SRSF6: variants seen among roughly 807,000 people sequenced by gnomAD.
SRSF6 encodes serine and arginine rich splicing factor 6.
In SRSF6, 17 loss-of-function variants were observed where a neutral mutation model predicts 42.0. That is an observed-to-expected ratio of 0.40 (90% CI 0.28 to 0.61). The LOEUF (loss-of-function observed/expected upper bound fraction) is 0.61, where lower values mean the gene tolerates loss of function less well. SRSF6 is among the 20% of genes least tolerant of loss of function. SRSF6 has a pLI of 0.37. For missense variants in SRSF6, 379 were observed against 471.4 expected (o/e 0.80, Z 1.81); for synonymous variants, 204 against 166.7 (o/e 1.22, Z -1.72).
rs374128199 is a variant in SRSF6 at position 43,458,008 on chromosome 20, C to T, written c.-26C>T. The stretch of plus-strand genomic sequence containing the variant: ...TTGCGGTCCGCCGTTCGACAACCAG[C>T]CCTTGGGTCCCCGCCCGCCACGGAC... On this transcript the variant is annotated 5_prime_UTR_variant, in exon 1 of 6. Transcript: ENST00000244020. 2 of 1,595,252 alleles carry T rather than the reference C, an allele frequency of 1.3e-6. No homozygotes were observed. Among genetic ancestry groups the T allele is most frequent in the Non-Finnish European group, 1.7e-6 (2 of 1,168,916 alleles).
intron 2 of SRSF6, 136 bp from the exon 3 acceptor site, chr20:43,459,635 T>C: frequency 7.0e-7 from 1 of 1,418,774 alleles, no homozygotes; most frequent in Middle Eastern, 2.6e-4. Context: ...AAATCACAAA[T>C]GTGTCGAAGG....
In SRSF6 at chr20:43,458,351, C is replaced by T. The variant is rs775282260; in HGVS notation, c.108-10C>T. The T allele has an allele frequency of 1.9e-5, 30 of 1,539,962 alleles. No homozygotes were observed. The highest frequency in any genetic ancestry group is 1.8e-4 in the South Asian group (15 of 83,918). ...CCCCCGCGGTTGTCCGGCCCTCGCA[C>T]CGCCCCTAGGTACGGCTTCGTGGAG... On this transcript the variant is annotated splice_polypyrimidine_tract_variant and intron_variant, in intron 1 of 5. Coordinates refer to ENST00000244020, the MANE Select transcript of SRSF6 (RefSeq NM_006275.6).
In SRSF6 at chr20:43,457,933, G is replaced by A; in HGVS notation, c.-101G>A. The A allele has an allele frequency of 1.0e-6, 1 of 974,572 alleles. No individual in the cohort carries two copies. 60.4% of individuals were successfully genotyped at this position (974,572 alleles called of 1,614,324 possible). On this transcript the variant is annotated 5_prime_UTR_variant, in exon 1 of 6. Transcript: ENST00000244020. ...GACTCGGCCGCCCCTGTGGTGTGAGGCGCGTGTTCGGGCTCTTGCCGTCCC... is the reference window on the plus strand; with the variant it reads ...GACTCGGCCGCCCCTGTGGTGTGAGACGCGTGTTCGGGCTCTTGCCGTCCC...
chr20:43,458,158 G>T lies in SRSF6; in HGVS notation c.107+18G>T, dbSNP rs1307417995. ...AAAAATGGGTGAGTCGGGCCTGGGC[G>T]CCCGCGCCCAGCGTCCCAGGCCTGG... On this transcript the variant is annotated intron_variant, in intron 1 of 5. Coordinates refer to ENST00000244020, the MANE Select transcript of SRSF6 (RefSeq NM_006275.6). The T allele has an allele frequency of 1.2e-6, 2 of 1,607,618 alleles. No individual in the cohort carries two copies. Among genetic ancestry groups the T allele is most frequent in the African/African-American group, 1.3e-5 (1 of 74,386 alleles).
At position 43,461,337 on chromosome 20, in the gene SRSF6, G is replaced by GTTTTGTTTTTTTTTTTTT. The variant is rs2017589627; in HGVS notation, c.*278_*279insGTTTTTTTTTTTTTTTTT. 2.3e-5 allele frequency: 1 copy of GTTTTGTTTTTTTTTTTTT among 43,768 alleles called. No homozygotes were observed. The highest frequency in any genetic ancestry group is 8.2e-5 in the African/African-American group (1 of 12,192). The allele number at this position is 43,768 out of a possible 1,614,324, so 2.7% of individuals were successfully genotyped here. A position where few individuals can be genotyped will look rare whatever the true frequency, so the allele number is the denominator to read the frequency against. On this transcript the variant is annotated 3_prime_UTR_variant, in exon 6 of 6. Coordinates refer to ENST00000244020, the MANE Select transcript of SRSF6 (RefSeq NM_006275.6). ...GTAAAGATTAAGCTCATTTAGTGTT[G>GTTTTGTTTTTTTTTTTTT]TTTTTTTTTTTTTTTTTTTTTTTTT...
chr20:43,459,802 A>T lies in SRSF6; in HGVS notation c.288A>T (p.Thr96=), dbSNP rs765771016. The T allele has an allele frequency of 1.2e-6, 2 of 1,613,752 alleles. No homozygotes were observed. Among genetic ancestry groups the T allele is most frequent in the Non-Finnish European group, 8.5e-7 (1 of 1,180,030 alleles). ...GAGGTGGATACAGCAGTCGGAGAACATCTGGCAGAGACAAATACGGACCAC... is the reference window on the plus strand; with the variant it reads ...GAGGTGGATACAGCAGTCGGAGAACTTCTGGCAGAGACAAATACGGACCAC... The part of the protein sequence containing the change: ...SGGGGYSSRR[T]SGRDKYGPPV... Residue 96 remains threonine, a synonymous_variant, in exon 3 of 6, where the codon ACA becomes ACT. Transcript: ENST00000244020.
At position 43,458,508 on chromosome 20, in the gene SRSF6, C is replaced by T. The variant is rs2017536132; in HGVS notation, c.255C>T (p.Arg85=). 3 of 1,500,154 alleles carry T rather than the reference C, an allele frequency of 2.0e-6. No homozygotes were observed. The highest frequency in any genetic ancestry group is 1.5e-5 in the African/African-American group (1 of 68,634). The allele number at this position is 1,500,154 out of a possible 1,614,324, so 92.9% of individuals were successfully genotyped here. ...RDRDGYSYGS[R]SGGGGYSSRR... Reference sequence around the variant, plus strand: ...GCGACGGCTACAGCTACGGAAGCCGCAGTGAGTCCCACCCCCGCGCGCTCC... The same window carrying T: ...GCGACGGCTACAGCTACGGAAGCCGTAGTGAGTCCCACCCCCGCGCGCTCC... Residue 85 remains arginine, a splice_region_variant and synonymous_variant, in exon 2 of 6, where the codon CGC becomes CGT. Transcript: ENST00000244020.
At chr20:43,459,468 A>G (rs2017549648) in intron 2 of SRSF6, 1 of 1,258,898 alleles carries the variant, frequency 7.9e-7, no homozygotes, top group African/African-American at 1.5e-5. Context: ...AAATGTAGAA[A>G]TGCATGTAAT....
chr20:43,463,340 C>T lies in SRSF6; in HGVS notation c.*2277C>T, dbSNP rs948987377. 1 of 154,832 alleles carries T rather than the reference C, an allele frequency of 6.5e-6. No individual in the cohort carries two copies. Among genetic ancestry groups the T allele is most frequent in the Admixed American group, 6.5e-5 (1 of 15,290 alleles). 9.6% of individuals were successfully genotyped at this position (154,832 alleles called of 1,614,324 possible). On this transcript the variant is annotated 3_prime_UTR_variant, in exon 6 of 6. Transcript: ENST00000244020. ...ACTGATAAAATGTTTAATTCCCTTG[C>T]TAGCTTGTGAGAAGAATGAGTTGAT...
chr20:43,460,941 C>A lies in SRSF6; in HGVS notation c.913C>A (p.Leu305Ile). The change falls in exon 6 of 6, where the codon CTA (leucine) becomes ATA (isoleucine). Residue 305 changes from leucine (L) to isoleucine (I), a missense_variant. Leu to Ile is a conservative substitution (Grantham distance 5). Around this residue, in one of 3 missense-constraint regions of SRSF6, gnomAD observed 219 missense variants for 216.1 expected, o/e 1.01. Transcript: ENST00000244020. ...SRSQSRSNSP[L>I]PVPPSKARSV... ...GAGCCAGTCCCGTTCCAATTCGCCG[C>A]TACCTGTTCCACCCTCAAAGGCCCG... 2 of 1,614,208 alleles carry A rather than the reference C, an allele frequency of 1.2e-6. No homozygotes were observed. Among genetic ancestry groups the A allele is most frequent in the Non-Finnish European group, 1.7e-6 (2 of 1,180,042 alleles).
In SRSF6 at chr20:43,461,830, T is replaced by C. The variant is rs1211304420; in HGVS notation, c.*767T>C. 6.6e-6 allele frequency: 1 copy of C among 152,582 alleles called. No individual in the cohort carries two copies. The highest frequency in any genetic ancestry group is 1.5e-5 in the Non-Finnish European group (1 of 68,050). 9.5% of individuals were successfully genotyped at this position (152,582 alleles called of 1,614,324 possible). ...ATACTTTTAAGTAATGGAACTTTTT[T>C]CAAAGGCAAATTTAAACTATTTAAG... On this transcript the variant is annotated 3_prime_UTR_variant, in exon 6 of 6. Coordinates refer to ENST00000244020, the MANE Select transcript of SRSF6 (RefSeq NM_006275.6).
chr20:43,461,203 T>C lies in SRSF6; in HGVS notation c.*140T>C. ...ACAGAAATTTGATTTGTGGCCAAAT[T>C]GGATGAAAAAGATGAGGCTCTAAGG... is the stretch of plus-strand genomic sequence containing the variant. On this transcript the variant is annotated 3_prime_UTR_variant, in exon 6 of 6. Coordinates refer to ENST00000244020, the MANE Select transcript of SRSF6 (RefSeq NM_006275.6). 5 of 1,272,568 alleles carry C rather than the reference T, an allele frequency of 3.9e-6. No individual in the cohort carries two copies. Among genetic ancestry groups the C allele is most frequent in the Non-Finnish European group, 5.1e-6 (5 of 976,126 alleles). 78.8% of individuals were successfully genotyped at this position (1,272,568 alleles called of 1,614,324 possible). A position where few individuals can be genotyped will look rare whatever the true frequency, so the allele number is the denominator to read the frequency against.
chr20:43,459,063 G>A lies in SRSF6; in HGVS notation c.256+554G>A, dbSNP rs935421569. On this transcript the variant is annotated intron_variant, in intron 2 of 5. Coordinates refer to ENST00000244020, the MANE Select transcript of SRSF6 (RefSeq NM_006275.6). ...CATGTTATTGGGAGGAGGTTGGGGGGATTTTTGGTTATGTTAAATGTTTGA... is the reference window on the plus strand; with the variant it reads ...CATGTTATTGGGAGGAGGTTGGGGGAATTTTTGGTTATGTTAAATGTTTGA... 41 of 1,219,818 alleles carry A rather than the reference G, an allele frequency of 3.4e-5. 1 individual carries two copies. The highest frequency in any genetic ancestry group is 7.5e-5 in the South Asian group (6 of 79,706). 75.6% of individuals were successfully genotyped at this position (1,219,818 alleles called of 1,614,324 possible).
At chr20:43,460,010 G>T (rs1162156506) in intron 3 of SRSF6, 23 bp from the exon 4 acceptor site, 1 of 1,614,068 alleles carries the variant, frequency 6.2e-7, no homozygotes, top group Admixed American at 1.7e-5. Flanking sequence ...AGATTTCCGA[G>T]TCTGACCAAT....
At chr20:43,460,398 G>A in intron 4 of SRSF6, 117 bp from the exon 5 acceptor site, 2 of 1,376,788 alleles carry the variant, frequency 1.5e-6, no homozygotes, top group Non-Finnish European at 2.0e-6. Flanking sequence ...TTTGAACAGT[G>A]TATTTAATTT....
Position 43,458,496 on chromosome 20 carries a change from C to A in SRSF6, c.243C>A (p.Ser81Arg). The change falls in exon 2 of 6, where the codon AGC (serine) becomes AGA (arginine). Residue 81 changes from serine (S) to arginine (R), a missense_variant. By Grantham distance (110) the Ser-to-Arg change is moderately radical (BLOSUM62 -1). Coordinates refer to ENST00000244020, the MANE Select transcript of SRSF6 (RefSeq NM_006275.6). The stretch of plus-strand genomic sequence containing the variant: ...CGCGTCGCGATCGCGACGGCTACAG[C>A]TACGGAAGCCGCAGTGAGTCCCACC... The part of the protein sequence containing the change: ...RGPRRDRDGY[S>R]YGSRSGGGGY... 6.6e-7 allele frequency: 1 copy of A among 1,506,496 alleles called. No individual in the cohort carries two copies. Among genetic ancestry groups the A allele is most frequent in the Non-Finnish European group, 8.8e-7 (1 of 1,133,698 alleles). The allele number at this position is 1,506,496 out of a possible 1,614,324, so 93.3% of individuals were successfully genotyped here. A position where few individuals can be genotyped will look rare whatever the true frequency, so the allele number is the denominator to read the frequency against.
chr20:43,460,890 G>C lies in SRSF6; in HGVS notation c.862G>C (p.Asp288His). The C allele has an allele frequency of 6.2e-7, 1 of 1,614,128 alleles. No individual in the cohort carries two copies. Among genetic ancestry groups the C allele is most frequent in the East Asian group, 2.2e-5 (1 of 44,882 alleles). The change falls in exon 6 of 6, where the codon GAT becomes CAT. Residue 288 changes from aspartate (D) to histidine (H), a missense_variant. Around this residue, in one of 3 missense-constraint regions of SRSF6, gnomAD observed 219 missense variants for 216.1 expected, o/e 1.01. Coordinates refer to ENST00000244020, the MANE Select transcript of SRSF6 (RefSeq NM_006275.6). ...SRSPKENGKG[D>H]IKSKSRSRSQ... ...ATCCCCTAAAGAAAATGGAAAGGGT[G>C]ATATAAAGTCAAAATCCAGATCAAG...
intron 2 of SRSF6, 41 bp downstream of exon 2, chr20:43,458,550 T>C: frequency 7.0e-7 from 1 of 1,421,078 alleles, no homozygotes; most frequent in Non-Finnish European, 9.1e-7. Context: ...TTGGGGACCC[T>C]GGGGGCGGGG....
Position 43,464,211 on chromosome 20 carries a change from A to G in SRSF6, c.*3148A>G, listed in dbSNP as rs1361028217. The G allele has an allele frequency of 6.6e-6, 1 of 152,264 alleles. No homozygotes were observed. 9.4% of individuals were successfully genotyped at this position (152,264 alleles called of 1,614,324 possible). A position where few individuals can be genotyped will look rare whatever the true frequency, so the allele number is the denominator to read the frequency against. Reference sequence around the variant, plus strand: ...AATTTAAAAATTACTTTCAAGATTCAACATTACACAATAAAACTTAGAGTT... The same window carrying G: ...AATTTAAAAATTACTTTCAAGATTCGACATTACACAATAAAACTTAGAGTT... On this transcript the variant is annotated 3_prime_UTR_variant, in exon 6 of 6. Coordinates refer to ENST00000244020, the MANE Select transcript of SRSF6 (RefSeq NM_006275.6).
Sources: allele counts gnomAD v4.1 joint callset, GRCh38; gene constraint gnomAD v4.1.1; regional missense constraint gnomAD v4.1.1; transcripts MANE v1.5; gene names NCBI Gene and HGNC (gene_info 2026-07-23, HGNC 2026-07-21).